GPM6B: variants seen among roughly 807,000 people sequenced by gnomAD.
GPM6B encodes glycoprotein M6B.
GPM6B carries 4 observed loss-of-function variants against 27.2 expected under a neutral mutation model. That is an observed-to-expected ratio of 0.15 (90% CI 0.07 to 0.34). The LOEUF (loss-of-function observed/expected upper bound fraction) is 0.34. Among genes scored for constraint, GPM6B ranks in the 10% least tolerant of loss-of-function variants. GPM6B has a pLI of 1.00. For synonymous variants in GPM6B, 124 were observed against 103.1 expected (o/e 1.20, Z -1.23); for missense variants, 183 against 261.9 (o/e 0.70, Z 2.08).
At chrX:13,902,272 G>A (rs146863505) in intron 1 of GPM6B, among the ~76,000 whole-genome samples, 2,463 of 110,839 alleles carry the variant, frequency 0.022, 73 homozygotes, top group African/African-American at 0.078. Context: ...TTAAATACAC[G>A]AATGTTTACC....
At chrX:13,918,750 C>A (rs1440189035) in intron 1 of GPM6B, among the ~76,000 whole-genome samples, 1 of 111,182 alleles carries the variant, frequency 9.0e-6, no homozygotes, top group Admixed American at 9.6e-5. Flanking sequence ...AAGCAGGCAC[C>A]TAACATGGCC....
At chrX:13,877,929 T>C (rs1291548916) in intron 1 of GPM6B, among the ~76,000 whole-genome samples, 2 of 108,148 alleles carry the variant, frequency 1.8e-5, no homozygotes, top group Admixed American at 1.0e-4. Flanking sequence ...TCTCAGTAAG[T>C]ATCTTGAAAA....
rs1177057786 is a variant in GPM6B at position 13,771,527 on chromosome X, A to G, written c.*1354T>C. On this transcript the variant is annotated 3_prime_UTR_variant, in exon 8 of 8. Coordinates refer to ENST00000316715, the MANE Select transcript of GPM6B (RefSeq NM_001001995.3). ...TCCTTTCATTTGAATACATTTCTGC[A>G]CATGTATGTTATAAAATCCAGGAAA... 8.9e-6 allele frequency: 1 copy of G among 112,356 alleles called. No individual in the cohort carries two copies. Among genetic ancestry groups the G allele is most frequent in the East Asian group, 2.8e-4 (1 of 3,635 alleles). 9.3% of individuals were successfully genotyped at this position (112,356 alleles called of 1,213,427 possible). A position where few individuals can be genotyped will look rare whatever the true frequency, so the allele number is the denominator to read the frequency against.
intron 1 of GPM6B, among the ~76,000 whole-genome samples, chrX:13,840,392 C>T (rs2049558210): frequency 9.0e-6 from 1 of 111,476 alleles, no homozygotes; most frequent in Non-Finnish European, 1.9e-5. Context: ...AGCACGACCT[C>T]CCTGCCTGCG....
At chrX:13,864,505 T>C (rs1396779151) in intron 1 of GPM6B, among the ~76,000 whole-genome samples, 1 of 112,221 alleles carries the variant, frequency 8.9e-6, no homozygotes, top group East Asian at 2.8e-4. Context: ...GCAAAGGGAG[T>C]AGCTCTGACT....
chrX:13,799,955 G>A (rs1465337475), intron 2 of GPM6B, among the ~76,000 whole-genome samples: 1 of 111,945 alleles, frequency 8.9e-6, no homozygotes, highest in Non-Finnish European at 1.9e-5. Flanking sequence ...ATGGCCTTGT[G>A]TAATTCCTTC....
chrX:13,878,454 A>G (rs1433073031), intron 1 of GPM6B, among the ~76,000 whole-genome samples: 1 of 111,646 alleles, frequency 9.0e-6, no homozygotes, highest in Non-Finnish European at 1.9e-5. Flanking sequence ...GTGAACATAA[A>G]ATAGTGTTAG....
chrX:13,817,301 ATCTCTCTCTC>A (rs767608717), upstream of GPM6B: 50 of 732,465 alleles, frequency 6.8e-5, no homozygotes, highest in Non-Finnish European at 7.9e-5. Context: ...CTCAATCTCG[ATCTCTCTCTC>A]TCTCTCTCTT....
chrX:13,915,786 T>C (rs1416284077), intron 1 of GPM6B, among the ~76,000 whole-genome samples: 1 of 112,729 alleles, frequency 8.9e-6, no homozygotes, highest in African/African-American at 3.2e-5. Context: ...TGCCTGCATA[T>C]CTGCCATTTT....
chrX:13,774,556 G>A (rs1207527127), intron 7 of GPM6B: 2 of 1,207,234 alleles, frequency 1.7e-6, no homozygotes, highest in Non-Finnish European at 2.2e-6. Flanking sequence ...AGAATTTAGT[G>A]CAGCAATCTT....
chrX:13,868,436 G>T (rs1381555568), intron 1 of GPM6B, among the ~76,000 whole-genome samples: 1 of 111,442 alleles, frequency 9.0e-6, no homozygotes, highest in Non-Finnish European at 1.9e-5. Flanking sequence ...CCAAGTCCTG[G>T]GTTTTTCTTG....
chrX:13,897,547 G>T (rs2050244532), intron 1 of GPM6B, among the ~76,000 whole-genome samples: 1 of 111,624 alleles, frequency 9.0e-6, no homozygotes, highest in African/African-American at 3.3e-5. Context: ...AAACAGGAAT[G>T]GTTTGTTAAT....
At chrX:13,913,642 T>C (rs755499489) in intron 1 of GPM6B, among the ~76,000 whole-genome samples, 1 of 112,363 alleles carries the variant, frequency 8.9e-6, no homozygotes, top group South Asian at 3.7e-4. Context: ...CAGTTGGGTA[T>C]CTTCTTGTTC....
intron 1 of GPM6B, among the ~76,000 whole-genome samples, chrX:13,827,671 G>C (rs866310557): frequency 8.9e-6 from 1 of 112,182 alleles, no homozygotes; most frequent in Non-Finnish European, 1.9e-5. Context: ...CCTTCAGCCT[G>C]CTTTGCTAAA....
intron 2 of GPM6B, among the ~76,000 whole-genome samples, chrX:13,799,733 G>GCTTA (rs1331652431): frequency 9.0e-6 from 1 of 111,483 alleles, no homozygotes; most frequent in African/African-American, 3.3e-5. Context: ...CTCACAGAGA[G>GCTTA]CTTAGAGTCT....
chrX:13,888,366 CACTT>C (rs201905256), intron 1 of GPM6B, among the ~76,000 whole-genome samples: 2,086 of 111,940 alleles, frequency 0.019, 53 homozygotes, highest in African/African-American at 0.064. Context: ...TATAGAGAAA[CACTT>C]ACACATTTCT....
intron 1 of GPM6B, among the ~76,000 whole-genome samples, chrX:13,923,008 C>T (rs961252980): frequency 9.0e-6 from 1 of 111,434 alleles, no homozygotes; most frequent in Non-Finnish European, 1.9e-5. Flanking sequence ...AAACCCATTT[C>T]TACTAAAAAT....
At chrX:13,926,937 C>T (rs187445102) in intron 1 of GPM6B, among the ~76,000 whole-genome samples, 1,351 of 111,049 alleles carry the variant, frequency 0.012, 15 homozygotes, top group Middle Eastern at 0.019. Context: ...GACTTTATTA[C>T]AATAAAAAAG....
At chrX:13,890,944 G>A (rs1426936639) in intron 1 of GPM6B, among the ~76,000 whole-genome samples, 1 of 110,644 alleles carries the variant, frequency 9.0e-6, no homozygotes, top group Non-Finnish European at 1.9e-5. Flanking sequence ...ACCATCTGAG[G>A]CGTTTAAAAA....
Sources: gnomAD v4.1 joint callset for allele counts (sites outside exome capture counted in the v4.1 genomes callset) on GRCh38, gnomAD v4.1.1 for gene constraint, MANE v1.5 for transcripts, NCBI Gene and HGNC (gene_info 2026-07-23, HGNC 2026-07-21) for gene names.